The following CAPN14 variants were observed in gnomAD, a reference collection of about 807,000 sequenced individuals.
The protein encoded by CAPN14 is calpain-14.
A neutral mutation model predicts 101.3 loss-of-function variants in CAPN14; 94 were observed. The ratio of observed to expected loss-of-function variants is 0.93; its 90% CI spans 0.79 to 1.10. CAPN14 has a LOEUF of 1.10. Ranked by LOEUF, CAPN14 falls within the 50% of genes least tolerant of loss-of-function variation. The pLI, the probability that CAPN14 is intolerant of heterozygous loss-of-function variation, is 0.00. For synonymous variants in CAPN14, 338 were observed against 317.9 expected, an observed-to-expected ratio of 1.06 and a Z score of -0.67; for missense variants, 837 against 828.4, an observed-to-expected ratio of 1.01 and a Z score of -0.13.
chr2:31,175,366 T>C (rs1340558238), intron 21 of CAPN14, among the ~76,000 whole-genome samples: 2 of 152,242 alleles, frequency 1.3e-5, no homozygotes, highest in Non-Finnish European at 2.9e-5. Context: ...AGAGATTTAA[T>C]GTAATTTGCC....
chr2:31,200,397 G>C, intron 6 of CAPN14, 54 bp downstream of exon 6: 1 of 1,465,442 alleles, frequency 6.8e-7, no homozygotes, highest in African/African-American at 1.4e-5. Flanking sequence ...GTGGTGGATG[G>C]AGGGCATGGG....
intron 18 of CAPN14, 144 bp from the exon 19 acceptor site, chr2:31,177,965 A>C (rs891665512): frequency 1.9e-5 from 13 of 667,124 alleles, no homozygotes; most frequent in Admixed American, 1.4e-4. Flanking sequence ...CAGGATAAGA[A>C]TATGGCAGAG....
intron 15 of CAPN14, among the ~76,000 whole-genome samples, chr2:31,187,146 A>G (rs558845451): frequency 3.9e-5 from 6 of 152,318 alleles, no homozygotes; most frequent in African/African-American, 1.4e-4. Context: ...ATCAGACCCC[A>G]GATTTCCAGT....
chr2:31,203,137 CTCCTGGGAAAGACAAACAG>C lies in CAPN14; in HGVS notation c.226-17_227del. 6.4e-7 allele frequency: 1 copy of C among 1,551,492 alleles called. No homozygotes were observed. Among genetic ancestry groups the C allele is most frequent in the Non-Finnish European group, 8.7e-7 (1 of 1,146,838 alleles). On this transcript the variant is annotated splice_acceptor_variant and splice_polypyrimidine_tract_variant and coding_sequence_variant and intron_variant, in exon 3 of 22. Coordinates refer to ENST00000403897, the MANE Select transcript of CAPN14 (RefSeq NM_001145122.2). LOFTEE classifies it high-confidence loss of function. Reference sequence around the variant, plus strand: ...AATAAAACTGGGGATTGCTGTGCAGCTCCTGGGAAAGACAAACAGAATTGTCATTCTGACCTAGAACAAA... The same window carrying C: ...AATAAAACTGGGGATTGCTGTGCAGCAATTGTCATTCTGACCTAGAACAAA...
At chr2:31,208,120 A>C (rs1682199870) in intron 1 of CAPN14, among the ~76,000 whole-genome samples, 1 of 152,128 alleles carries the variant, frequency 6.6e-6, no homozygotes, top group Non-Finnish European at 1.5e-5. Context: ...CAGGTCACAG[A>C]AACTCAAAAG....
At chr2:31,217,633 G>C (rs1182332818), upstream of CAPN14, 1 of 152,292 alleles carries the variant, frequency 6.6e-6, no homozygotes, top group Non-Finnish European at 1.5e-5. Flanking sequence ...GTGTTCTCTG[G>C]AAGGGAGTGG....
intron 14 of CAPN14, 59 bp downstream of exon 14, chr2:31,188,259 C>G: frequency 6.8e-7 from 1 of 1,472,974 alleles, no homozygotes; most frequent in Non-Finnish European, 9.3e-7. Flanking sequence ...AAGGGAGAAA[C>G]CCAACACCCT....
chr2:31,207,264 CCTT>C (rs1170961756), intron 1 of CAPN14, among the ~76,000 whole-genome samples: 1 of 152,204 alleles, frequency 6.6e-6, no homozygotes, highest in Non-Finnish European at 1.5e-5. Flanking sequence ...AGGAAGCCCT[CCTT>C]GAGTGCCTGG....
rs1053485096 is a variant in CAPN14 at position 31,173,917 on chromosome 2, G to C, written c.*764C>G. On this transcript the variant is annotated 3_prime_UTR_variant, in exon 22 of 22. Coordinates refer to ENST00000403897, the MANE Select transcript of CAPN14 (RefSeq NM_001145122.2). ...TTGTTTTTGTCCTTTGAAGTAGATA[G>C]ACAGAGAATTTCTGGACAGATTTGA... is the stretch of plus-strand genomic sequence containing the variant. 1.3e-5 allele frequency: 2 copies of C among 152,072 alleles called. No individual in the cohort carries two copies. The highest frequency in any genetic ancestry group is 1.9e-4 in the East Asian group (1 of 5,170). The allele number at this position is 152,072 out of a possible 1,614,324, so 9.4% of individuals were successfully genotyped here. A position where few individuals can be genotyped will look rare whatever the true frequency, so the allele number is the denominator to read the frequency against.
intron 1 of CAPN14, among the ~76,000 whole-genome samples, chr2:31,206,937 T>C (rs1682128332): frequency 6.6e-6 from 1 of 152,198 alleles, no homozygotes; most frequent in Non-Finnish European, 1.5e-5. Context: ...CCTGCCCTCA[T>C]GGCTCTTACA....
rs1680563773 is a variant in CAPN14 at position 31,180,972 on chromosome 2, G to C, written c.1674C>G (p.Ser558Arg). ...CCAGGATCCCCTGGCAGGCTTCCAG[G>C]CTAAAGAAGGGCTGTCTGCTCCCCA... ...SSLGSRQPFF[S>R]LEACQGILAL... Residue 558 changes from serine (S) to arginine (R), a missense_variant, in exon 17 of 22, where the codon AGC (serine) becomes AGG (arginine). Coordinates refer to ENST00000403897, the MANE Select transcript of CAPN14 (RefSeq NM_001145122.2). 1 of 1,551,696 alleles carries C rather than the reference G, an allele frequency of 6.4e-7. No homozygotes were observed. The highest frequency in any genetic ancestry group is 2.0e-5 in the Admixed American group (1 of 50,984).
At chr2:31,212,012 T>G (rs1682423098) in intron 1 of CAPN14, among the ~76,000 whole-genome samples, 1 of 152,114 alleles carries the variant, frequency 6.6e-6, no homozygotes, top group South Asian at 2.1e-4. Context: ...CTCAATGAAC[T>G]ATGTACAACA....
chr2:31,212,312 C>CAAAAAAAAAAAAAAAAAAAA (rs72155600), intron 1 of CAPN14, among the ~76,000 whole-genome samples: 2 of 110,440 alleles, frequency 1.8e-5, no homozygotes, highest in African/African-American at 3.9e-5. Context: ...CGTCTCAAAA[C>CAAAAAAAAAAAAAAAAAAAA]AAAAAAAAAA....
At chr2:31,219,317 C>G (rs80196039), upstream of CAPN14, among the ~76,000 whole-genome samples, 395 of 152,276 alleles carry the variant, frequency 2.6e-3, 1 homozygote, top group Non-Finnish European at 3.7e-3. Flanking sequence ...AGCACTGTGG[C>G]CTTTTAACAT....
upstream of CAPN14, among the ~76,000 whole-genome samples, chr2:31,219,301 C>A (rs925414019): frequency 2.0e-4 from 31 of 152,170 alleles, no homozygotes; most frequent in African/African-American, 6.8e-4. Flanking sequence ...GGGAGCCTTG[C>A]ACAGCAGCAC....
intron 8 of CAPN14, among the ~76,000 whole-genome samples, chr2:31,195,045 A>G (rs980363737): frequency 1.3e-5 from 2 of 152,214 alleles, no homozygotes; most frequent in Non-Finnish European, 2.9e-5. Context: ...GGCCAGCGCT[A>G]CAGGGAGAGG....
rs955200260 is a variant in CAPN14 at position 31,186,458 on chromosome 2, G to C, written c.1615C>G (p.Gln539Glu). 1.9e-6 allele frequency: 3 copies of C among 1,549,970 alleles called. No homozygotes were observed. Among genetic ancestry groups the C allele is most frequent in the Non-Finnish European group, 2.6e-6 (3 of 1,146,402 alleles). Reference protein sequence around the residue: ...KHPEINAVQLQNLLNQMTWSS... With the variant: ...KHPEINAVQLENLLNQMTWSS... The stretch of plus-strand genomic sequence containing the variant: ...CAGGTCATCTGGTTCAGGAGGTTCT[G>C]AAGTTGAACTGCATTAATCTCTGGA... The change falls in exon 16 of 22, where the codon CAG becomes GAG. Residue 539 changes from glutamine (Q) to glutamate (E), a missense_variant. Physicochemically the swap from Gln to Glu is conservative, Grantham distance 29. Coordinates refer to ENST00000403897, the MANE Select transcript of CAPN14 (RefSeq NM_001145122.2).
At position 31,194,392 on chromosome 2, in the gene CAPN14, G is replaced by A. The variant is rs1338933703; in HGVS notation, c.950+17C>T. The stretch of plus-strand genomic sequence containing the variant: ...AATGTAGGCCAGGACATTTGTCCAA[G>A]TCCCTAAGTCCAATACCAGAATTCT... On this transcript the variant is annotated intron_variant, in intron 9 of 21. Coordinates refer to ENST00000403897, the MANE Select transcript of CAPN14 (RefSeq NM_001145122.2). 6.5e-7 allele frequency: 1 copy of A among 1,544,458 alleles called. No individual in the cohort carries two copies. Among genetic ancestry groups the A allele is most frequent in the Non-Finnish European group, 8.8e-7 (1 of 1,140,620 alleles).
chr2:31,218,312 G>C (rs1368776027), upstream of CAPN14, among the ~76,000 whole-genome samples: 1 of 131,942 alleles, frequency 7.6e-6, no homozygotes, highest in Non-Finnish European at 1.5e-5. Flanking sequence ...GTTGGTTCCA[G>C]CTTGCCTGCC....
Sources: allele counts gnomAD v4.1 joint callset (sites outside exome capture counted in the v4.1 genomes callset), GRCh38; gene constraint gnomAD v4.1.1; transcripts MANE v1.5; gene names NCBI Gene and HGNC (gene_info 2026-07-23, HGNC 2026-07-21).